Variants in PLEKHB2 observed in about 807,000 individuals in gnomAD.
PLEKHB2 encodes the protein pleckstrin homology domain-containing family B member 2.
PLEKHB2 carries 31 observed loss-of-function variants against 36.5 expected under a neutral mutation model. The ratio of observed to expected loss-of-function variants is 0.85; its 90% CI spans 0.64 to 1.15. The LOEUF (loss-of-function observed/expected upper bound fraction) is 1.15, where lower values mean the gene tolerates loss of function less well. Ranked by LOEUF, PLEKHB2 falls within the 50% of genes most tolerant of loss-of-function variation. The pLI, the probability that PLEKHB2 is intolerant of heterozygous loss-of-function variation, is 0.00. For synonymous variants in PLEKHB2, 119 were observed against 112.0 expected (o/e 1.06, Z -0.39); for missense variants, 262 against 295.3 (o/e 0.89, Z 0.83).
chr2:131,134,142 G>A (rs939277101), intron 6 of PLEKHB2, among the ~76,000 whole-genome samples: 59 of 151,968 alleles, frequency 3.9e-4, no homozygotes, highest in African/African-American at 1.4e-3. Flanking sequence ...CTCATGATCC[G>A]CCCACCTCGG....
chr2:131,116,510 A>G (rs1695896210), intron 1 of PLEKHB2, among the ~76,000 whole-genome samples: 2 of 152,214 alleles, frequency 1.3e-5, no homozygotes, highest in African/African-American at 4.8e-5. Flanking sequence ...AAAGCTTACA[A>G]TCATGGCAGA....
At chr2:131,142,069 AC>A (rs1220688926) in intron 7 of PLEKHB2, among the ~76,000 whole-genome samples, 10 of 152,122 alleles carry the variant, frequency 6.6e-5, no homozygotes, top group Non-Finnish European at 1.3e-4. Context: ...GGGCACACTC[AC>A]CCACACCCCC....
chr2:131,117,798 G>A (rs985741872), intron 1 of PLEKHB2, among the ~76,000 whole-genome samples: 7 of 151,744 alleles, frequency 4.6e-5, no homozygotes, highest in African/African-American at 1.5e-4. Context: ...TTTTTGTTTC[G>A]CCTGTTTCTT....
At chr2:131,116,314 T>C (rs1053333832) in intron 1 of PLEKHB2, among the ~76,000 whole-genome samples, 7 of 152,150 alleles carry the variant, frequency 4.6e-5, no homozygotes, top group African/African-American at 1.7e-4. Flanking sequence ...GCCTGAAAAG[T>C]AAGAGAAACC....
intron 5 of PLEKHB2, among the ~76,000 whole-genome samples, chr2:131,131,753 T>TC (rs148661304): frequency 1.8e-4 from 25 of 140,350 alleles, no homozygotes; most frequent in African/African-American, 4.0e-4. Context: ...TTCATGAAAA[T>TC]CCCCCTTTTT....
chr2:131,109,133 G>A (rs1695024342), intron 1 of PLEKHB2, among the ~76,000 whole-genome samples: 2 of 152,110 alleles, frequency 1.3e-5, no homozygotes, highest in Admixed American at 1.3e-4. Flanking sequence ...AGGAGTTCGA[G>A]ACCAGCTTGG....
At chr2:131,110,475 A>G (rs1279382536) in intron 1 of PLEKHB2, among the ~76,000 whole-genome samples, 1 of 152,118 alleles carries the variant, frequency 6.6e-6, no homozygotes, top group Non-Finnish European at 1.5e-5. Context: ...TTCTGGGCTC[A>G]AGCGATCTTC....
At chr2:131,105,753 C>CCT (rs1694647010) in intron 1 of PLEKHB2, among the ~76,000 whole-genome samples, 1 of 152,094 alleles carries the variant, frequency 6.6e-6, no homozygotes, top group African/African-American at 2.4e-5. Context: ...CCCCGCGGAC[C>CCT]CTCCTCCTTT....
chr2:131,110,974 C>G (rs1444709448), intron 1 of PLEKHB2, among the ~76,000 whole-genome samples: 1 of 151,818 alleles, frequency 6.6e-6, no homozygotes, highest in South Asian at 2.1e-4. Context: ...CTGCTCTTTT[C>G]TCTGTGGTTT....
chr2:131,139,638 T>A (rs1344147303), intron 6 of PLEKHB2, among the ~76,000 whole-genome samples: 1 of 152,220 alleles, frequency 6.6e-6, no homozygotes, highest in South Asian at 2.1e-4. Context: ...TCTCGCCATG[T>A]CTTTTCATAG....
At chr2:131,112,163 G>A (rs1056376614) in intron 1 of PLEKHB2, among the ~76,000 whole-genome samples, 1 of 152,164 alleles carries the variant, frequency 6.6e-6, no homozygotes, top group African/African-American at 2.4e-5. Context: ...TCAAGGTGAT[G>A]TTGATCACCA....
chr2:131,126,889 A>C lies in PLEKHB2; in HGVS notation c.293+103A>C, dbSNP rs1272013013. On this transcript the variant is annotated intron_variant, in intron 4 of 7. Transcript: ENST00000693505. The stretch of plus-strand genomic sequence containing the variant: ...AAGGGCGTGGAGTTTTCTTTCAGGC[A>C]TCAGAATAAGGGACTCAGTGGATGT... 3 of 694,436 alleles carry C rather than the reference A, an allele frequency of 4.3e-6. No homozygotes were observed. The South Asian group carries it at 5.0e-5, about 12-fold the overall frequency. The allele number at this position is 694,436 out of a possible 1,614,324, so 43.0% of individuals were successfully genotyped here.
intron 2 of PLEKHB2, among the ~76,000 whole-genome samples, chr2:131,123,766 A>ACTCCCCCCCCC (rs1696780168): frequency 8.7e-5 from 1 of 11,556 alleles, no homozygotes; most frequent in African/African-American, 3.2e-4. Context: ...CTCCTGGTCC[A>ACTCCCCCCCCC]CCCCCCCCAC....
intron 1 of PLEKHB2, chr2:131,119,037 C>G (rs1573547641): frequency 6.6e-6 from 1 of 151,160 alleles, no homozygotes; most frequent in East Asian, 2.0e-4. Context: ...GGTGGGTCAC[C>G]TGAGGTCAGG....
At chr2:131,128,757 C>T (rs1386255196) in intron 4 of PLEKHB2, among the ~76,000 whole-genome samples, 2 of 152,116 alleles carry the variant, frequency 1.3e-5, no homozygotes, top group Non-Finnish European at 1.5e-5. Context: ...ATATGTTAGA[C>T]TAAAAAAAGT....
chr2:131,116,453 C>G (rs1434068292), intron 1 of PLEKHB2, among the ~76,000 whole-genome samples: 6 of 152,208 alleles, frequency 3.9e-5, no homozygotes, highest in African/African-American at 1.2e-4. Context: ...TTAGTCGACT[C>G]AAGAGTTCTG....
intron 7 of PLEKHB2, among the ~76,000 whole-genome samples, chr2:131,142,580 T>C (rs866243409): frequency 0.021 from 3,236 of 151,880 alleles, 116 homozygotes; most frequent in African/African-American, 0.074. Flanking sequence ...TTTTTTCTTT[T>C]TTTTTTTTGA....
chr2:131,124,604 G>A (rs532968558), intron 2 of PLEKHB2, among the ~76,000 whole-genome samples: 3 of 152,286 alleles, frequency 2.0e-5, no homozygotes, highest in Admixed American at 6.5e-5. Flanking sequence ...ACAGAAGTAC[G>A]TGAGGTAGTA....
At chr2:131,108,739 A>G (rs1694980267) in intron 1 of PLEKHB2, among the ~76,000 whole-genome samples, 1 of 152,256 alleles carries the variant, frequency 6.6e-6, no homozygotes, top group Non-Finnish European at 1.5e-5. Context: ...CTTGTTCTAG[A>G]ATATTTTCGG....
Sources: gnomAD v4.1 joint callset for allele counts (sites outside exome capture counted in the v4.1 genomes callset) on GRCh38, gnomAD v4.1.1 for gene constraint, MANE v1.5 for transcripts, NCBI Gene and HGNC (gene_info 2026-07-23, HGNC 2026-07-21) for gene names.